LRMDA: variants seen among roughly 807,000 people sequenced by gnomAD.
LRMDA encodes leucine rich melanocyte differentiation associated, also known as leucine-rich melanocyte differentiation-associated protein.
Under a neutral mutation model 29.8 loss-of-function variants are expected in LRMDA, and 18 were observed. That is an observed-to-expected ratio of 0.60 (90% CI 0.42 to 0.90). The LOEUF (loss-of-function observed/expected upper bound fraction) is 0.90. Ranked by LOEUF, LRMDA falls within the 40% of genes least tolerant of loss-of-function variation. LRMDA has a pLI of 0.00. For synonymous variants in LRMDA, 125 were observed against 109.4 expected, an observed-to-expected ratio of 1.14 and a Z score of -0.89; for missense variants, 273 against 273.9, an observed-to-expected ratio of 1.00 and a Z score of 0.02.
At chr10:76,402,688 A>G (rs1312357709) in intron 6 of LRMDA, among the ~76,000 whole-genome samples, 2 of 152,164 alleles carry the variant, frequency 1.3e-5, no homozygotes, top group African/African-American at 4.8e-5. Context: ...CATACTGGCC[A>G]TAGTGAGGAC....
rs183279330 is a variant in LRMDA, at chr10:76,442,664, G to A, written c.602-114545G>A. Reference sequence around the variant, plus strand: ...CTGTGAACACACCACTGCACTGGGTGGAGTCACAGAGTGAGACCCTATCTC... The same window carrying A: ...CTGTGAACACACCACTGCACTGGGTAGAGTCACAGAGTGAGACCCTATCTC... On this transcript the variant is annotated intron_variant, in intron 6 of 6. Coordinates refer to ENST00000611255, the MANE Select transcript of LRMDA (RefSeq NM_001305581.2). Among the ~76,000 whole-genome samples the A allele has an allele frequency of 3.2e-4, 48 of 152,206 alleles. 1 individual carries two copies. In the East Asian group the frequency reaches 5.8e-3, roughly 18 times the overall value.
At chr10:76,106,787 G>A (rs1281834337) in intron 5 of LRMDA, among the ~76,000 whole-genome samples, 4 of 152,168 alleles carry the variant, frequency 2.6e-5, no homozygotes, top group African/African-American at 9.7e-5. Context: ...CAGATTCTCT[G>A]CGGGACAAGA....
chr10:76,149,182 C>T (rs758661726), intron 5 of LRMDA, among the ~76,000 whole-genome samples: 2 of 152,180 alleles, frequency 1.3e-5, no homozygotes, highest in African/African-American at 2.4e-5. Flanking sequence ...TTCTGTATCT[C>T]CTTTGCACTA....
At chr10:75,930,508 A>C (rs1846189322) in intron 2 of LRMDA, among the ~76,000 whole-genome samples, 1 of 152,198 alleles carries the variant, frequency 6.6e-6, no homozygotes, top group African/African-American at 2.4e-5. Context: ...GCAAAGTTTT[A>C]TGGTAAGCAG....
intron 2 of LRMDA, among the ~76,000 whole-genome samples, chr10:75,658,518 C>T (rs1021467453): frequency 1.3e-5 from 2 of 152,042 alleles, no homozygotes; most frequent in African/African-American, 4.8e-5. Context: ...AGTTCTGGAG[C>T]GGGGTGGCTT....
intron 2 of LRMDA, among the ~76,000 whole-genome samples, chr10:75,884,804 T>C (rs1011079879): frequency 7.2e-5 from 11 of 152,202 alleles, no homozygotes; most frequent in Non-Finnish European, 1.6e-4. Context: ...AAGGGGACCA[T>C]TGTGGTCATG....
At chr10:75,463,332 TC>T (rs1445902854) in intron 2 of LRMDA, among the ~76,000 whole-genome samples, 1 of 152,136 alleles carries the variant, frequency 6.6e-6, no homozygotes, top group East Asian at 1.9e-4. Context: ...TCTAACAAGT[TC>T]CCAGGGGATG....
At chr10:75,856,467 C>A (rs1027455374) in intron 2 of LRMDA, among the ~76,000 whole-genome samples, 1 of 152,152 alleles carries the variant, frequency 6.6e-6, no homozygotes, top group South Asian at 2.1e-4. Context: ...AGCAGCACAT[C>A]AAAAAGTTTG....
rs397847311 is a variant in LRMDA, at chr10:76,035,096, GTT to G, written c.132-898_132-897del. Among the ~76,000 whole-genome samples, 42 of 138,048 alleles carry G rather than the reference GTT, an allele frequency of 3.0e-4. No homozygotes were observed. In the South Asian group the frequency reaches 3.5e-3, roughly 12 times the overall value. 90.6% of individuals were successfully genotyped at this position (138,048 alleles called of 152,430 possible). A position where few individuals can be genotyped will look rare whatever the true frequency, so the allele number is the denominator to read the frequency against. On this transcript the variant is annotated intron_variant, in intron 2 of 6. Coordinates refer to ENST00000611255, the MANE Select transcript of LRMDA (RefSeq NM_001305581.2). ...GCAAGGCTATTTTTCCCTTTCTGCT[GTT>G]TTTTTTTTTTTTTCCTGGAGCCGGG...
rs143285722 is a variant in LRMDA, at chr10:75,792,411, C to T, written c.132-243597C>T. ...TCCTGAGTAGCTGGGATTACAGGTGCGTCCCACCATGCCTGGCTAATTTTT... is the reference window on the plus strand; with the variant it reads ...TCCTGAGTAGCTGGGATTACAGGTGTGTCCCACCATGCCTGGCTAATTTTT... On this transcript the variant is annotated intron_variant, in intron 2 of 6. Transcript: ENST00000611255. Among the ~76,000 whole-genome samples, 1,001 of 152,102 alleles carry T rather than the reference C, an allele frequency of 6.6e-3. 44 individuals are homozygous for T. Among genetic ancestry groups the T allele is most frequent in the Middle Eastern group, 3.4e-3 (1 of 294 alleles).
At chr10:75,607,751 G>A (rs1337793615) in intron 2 of LRMDA, among the ~76,000 whole-genome samples, 1 of 151,108 alleles carries the variant, frequency 6.6e-6, no homozygotes, top group Non-Finnish European at 1.5e-5. Flanking sequence ...ATGACTGGCT[G>A]CACTGGAACC....
intron 5 of LRMDA, among the ~76,000 whole-genome samples, chr10:76,148,833 C>T (rs1055434765): frequency 2.6e-5 from 4 of 151,906 alleles, no homozygotes. Context: ...CATCTTGGCT[C>T]CTCCGTTATT....
intron 3 of LRMDA, among the ~76,000 whole-genome samples, chr10:76,043,882 A>AGAGCCAAGCTTT (rs1848382733): frequency 6.6e-6 from 1 of 152,242 alleles, no homozygotes; most frequent in Non-Finnish European, 1.5e-5. Flanking sequence ...GACAGAAAAA[A>AGAGCCAAGCTTT]GAGCCAAGCT....
At chr10:76,155,120 C>T (rs930926080) in intron 5 of LRMDA, among the ~76,000 whole-genome samples, 1 of 152,088 alleles carries the variant, frequency 6.6e-6, no homozygotes, top group African/African-American at 2.4e-5. Flanking sequence ...GCAGTCTCTG[C>T]TGAATAACAA....
intron 2 of LRMDA, among the ~76,000 whole-genome samples, chr10:75,439,740 A>T (rs1397585583): frequency 6.6e-6 from 1 of 152,214 alleles, no homozygotes; most frequent in Non-Finnish European, 1.5e-5. Context: ...GACAAGTTGT[A>T]AAGTAGTACA....
intron 5 of LRMDA, among the ~76,000 whole-genome samples, chr10:76,214,455 C>T (rs1411846149): frequency 6.6e-6 from 1 of 151,220 alleles, no homozygotes; most frequent in Non-Finnish European, 1.5e-5. Context: ...CGCCATTCTC[C>T]TGCCTCAGCC....
intron 4 of LRMDA, among the ~76,000 whole-genome samples, chr10:76,049,414 C>G (rs1848494127): frequency 6.6e-6 from 1 of 152,202 alleles, no homozygotes; most frequent in Admixed American, 6.5e-5. Flanking sequence ...AGGAACAGCA[C>G]AAGGAACAGT....
At chr10:76,307,500 A>G (rs1213590643) in intron 5 of LRMDA, among the ~76,000 whole-genome samples, 3 of 152,070 alleles carry the variant, frequency 2.0e-5, no homozygotes, top group Non-Finnish European at 2.9e-5. Context: ...TCTGGGATAG[A>G]CCTAACTCTG....
chr10:75,442,184 T>C (rs1053886679), intron 2 of LRMDA, among the ~76,000 whole-genome samples: 108 of 152,280 alleles, frequency 7.1e-4, no homozygotes, highest in African/African-American at 2.5e-3. Flanking sequence ...CAACATGATG[T>C]TCTGATACAT....
Sources: gnomAD v4.1 joint callset for allele counts (sites outside exome capture counted in the v4.1 genomes callset) on GRCh38, gnomAD v4.1.1 for gene constraint, MANE v1.5 for transcripts, NCBI Gene and HGNC (gene_info 2026-07-23, HGNC 2026-07-21) for gene names.